Variants in ZNF704 observed in about 807,000 individuals in gnomAD.
ZNF704 encodes glucocorticoid induced gene 1.
ZNF704 carries 10 observed loss-of-function variants against 44.7 expected under a neutral mutation model. The ratio of observed to expected loss-of-function variants is 0.22; its 90% confidence interval spans 0.14 to 0.38. ZNF704 has a LOEUF of 0.38. Among genes scored for constraint, ZNF704 ranks in the 10% least tolerant of loss-of-function variants. The pLI, the probability that ZNF704 is intolerant of heterozygous loss-of-function variation, is 1.00. For missense variants in ZNF704, 390 were observed against 545.5 expected (o/e 0.71, Z 2.84); for synonymous variants, 211 against 207.6 (o/e 1.02, Z -0.14).
intron 4 of ZNF704, among the ~76,000 whole-genome samples, chr8:80,671,109 C>T (rs987451880): frequency 2.0e-5 from 3 of 152,152 alleles, no homozygotes; most frequent in Non-Finnish European, 4.4e-5. Flanking sequence ...TCCACCTCTT[C>T]AACAAGGGTC....
intron 1 of ZNF704, among the ~76,000 whole-genome samples, chr8:80,860,159 A>G (rs1198398244): frequency 6.6e-6 from 1 of 152,200 alleles, no homozygotes; most frequent in Non-Finnish European, 1.5e-5. Context: ...CTTTCAGATA[A>G]AACTGTAAAC....
intron 1 of ZNF704, among the ~76,000 whole-genome samples, chr8:80,826,239 A>G (rs1808372717): frequency 6.6e-6 from 1 of 152,156 alleles, no homozygotes; most frequent in African/African-American, 2.4e-5. Flanking sequence ...AAAATCATAA[A>G]GGAGATATCA....
At chr8:80,736,222 A>G (rs1806662903) in intron 2 of ZNF704, among the ~76,000 whole-genome samples, 1 of 152,358 alleles carries the variant, frequency 6.6e-6, no homozygotes, top group African/African-American at 2.4e-5. Context: ...ATCAAGAAAT[A>G]TAACTTTCTA....
intron 2 of ZNF704, among the ~76,000 whole-genome samples, chr8:80,721,180 T>C (rs1819160446): frequency 6.6e-6 from 1 of 152,218 alleles, no homozygotes; most frequent in African/African-American, 2.4e-5. Context: ...ATAGAGAGTA[T>C]GAACTGTAGT....
chr8:80,816,418 G>A (rs1382737994), intron 2 of ZNF704, among the ~76,000 whole-genome samples: 1 of 152,182 alleles, frequency 6.6e-6, no homozygotes, highest in African/African-American at 2.4e-5. Flanking sequence ...AATGTGGTAT[G>A]TCTATGAAAT....
chr8:80,666,011 T>C (rs549829561), intron 5 of ZNF704, among the ~76,000 whole-genome samples: 115 of 152,122 alleles, frequency 7.6e-4, no homozygotes, highest in African/African-American at 2.7e-3. Flanking sequence ...ATGTGCACAT[T>C]GTGCAGGTTA....
chr8:80,642,977 C>G, intron 8 of ZNF704, 58 bp downstream of exon 8: 1 of 1,180,398 alleles, frequency 8.5e-7, no homozygotes, highest in East Asian at 2.8e-5. Flanking sequence ...CTCTGCTGTT[C>G]TGTTTTACAG....
At chr8:80,787,454 T>C (rs1408030497) in intron 2 of ZNF704, among the ~76,000 whole-genome samples, 1 of 152,232 alleles carries the variant, frequency 6.6e-6, no homozygotes, top group African/African-American at 2.4e-5. Context: ...GCGCTTCCTA[T>C]GCTAAGCTTT....
At position 80,688,735 on chromosome 8, in the gene ZNF704, T is replaced by C. The variant is rs184894574; in HGVS notation, c.326-1277A>G. On this transcript the variant is annotated intron_variant, in intron 3 of 8. Coordinates refer to ENST00000327835, the MANE Select transcript of ZNF704 (RefSeq NM_001033723.3). ...TGAAATGTTTGCTAATGTGGAGAGA[T>C]TTCTGCCCAGTTAGAATGTCTTCTG... Among the ~76,000 whole-genome samples the C allele has an allele frequency of 3.6e-4, 55 of 152,250 alleles. 1 individual carries two copies. The highest frequency in any genetic ancestry group is 1.3e-3 in the African/African-American group (52 of 41,556).
chr8:80,649,297 G>A (rs537465262), intron 7 of ZNF704, among the ~76,000 whole-genome samples: 26 of 152,260 alleles, frequency 1.7e-4, no homozygotes, highest in African/African-American at 4.6e-4. Context: ...CAACTCACTG[G>A]GAAGTGTCAG....
rs1241291168 is a variant in ZNF704, at chr8:80,638,362, T to C, written c.*3004A>G. 1 of 152,508 alleles carries C rather than the reference T, an allele frequency of 6.6e-6. No homozygotes were observed. Among genetic ancestry groups the C allele is most frequent in the African/African-American group, 2.4e-5 (1 of 41,452 alleles). 9.4% of individuals were successfully genotyped at this position (152,508 alleles called of 1,614,324 possible). ...AGAAATATTTTGGGACCAGAATCCA[T>C]TGTTTTGCATGCCTTTTGCGTAGAT... On this transcript the variant is annotated 3_prime_UTR_variant, in exon 9 of 9. Transcript: ENST00000327835.
intron 2 of ZNF704, among the ~76,000 whole-genome samples, chr8:80,696,549 C>T (rs1818728178): frequency 6.6e-6 from 1 of 152,132 alleles, no homozygotes; most frequent in Non-Finnish European, 1.5e-5. Flanking sequence ...TCCCGAGTAG[C>T]TGGGATTACA....
chr8:80,680,995 T>C (rs984639775), intron 4 of ZNF704, among the ~76,000 whole-genome samples: 1 of 152,228 alleles, frequency 6.6e-6, no homozygotes, highest in Non-Finnish European at 1.5e-5. Flanking sequence ...TGGCTTTTTT[T>C]CCCCCTCTGC....
At chr8:80,774,793 G>A (rs894718907) in intron 2 of ZNF704, among the ~76,000 whole-genome samples, 1 of 152,178 alleles carries the variant, frequency 6.6e-6, no homozygotes, top group Non-Finnish European at 1.5e-5. Context: ...GTCTCGCTAG[G>A]ATGTTCCTGT....
chr8:80,727,434 T>G (rs1243876319), intron 2 of ZNF704, among the ~76,000 whole-genome samples: 1 of 143,748 alleles, frequency 7.0e-6, no homozygotes, highest in Non-Finnish European at 1.5e-5. Context: ...TTTGTTTTTG[T>G]TTTTTTTTTT....
At chr8:80,879,093 T>C (rs1450119767), upstream of ZNF704, among the ~76,000 whole-genome samples, 1 of 152,200 alleles carries the variant, frequency 6.6e-6, no homozygotes, top group Non-Finnish European at 1.5e-5. Flanking sequence ...TATGAATGAG[T>C]TGTGCTCCCC....
intron 2 of ZNF704, among the ~76,000 whole-genome samples, chr8:80,729,191 GAA>G (rs1806534107): frequency 6.6e-6 from 1 of 152,160 alleles, no homozygotes; most frequent in African/African-American, 2.4e-5. Flanking sequence ...AGGTAGATAA[GAA>G]AGAGCAGATG....
chr8:80,772,740 T>C (rs1000367791), intron 2 of ZNF704, among the ~76,000 whole-genome samples: 1 of 152,148 alleles, frequency 6.6e-6, no homozygotes, highest in Admixed American at 6.5e-5. Context: ...TTCTCCACTG[T>C]TTTTCTGTTT....
At position 80,630,697 on chromosome 8, in the gene ZNF704, T is replaced by C. The variant is rs975046799; in HGVS notation, c.*10669A>G. 2 of 152,176 alleles carry C rather than the reference T, an allele frequency of 1.3e-5. No homozygotes were observed. The highest frequency in any genetic ancestry group is 4.8e-5 in the African/African-American group (2 of 41,440). 9.4% of individuals were successfully genotyped at this position (152,176 alleles called of 1,614,324 possible). A position where few individuals can be genotyped will look rare whatever the true frequency, so the allele number is the denominator to read the frequency against. The stretch of plus-strand genomic sequence containing the variant: ...TCATGAACCCTTTGGGACCTAGCGA[T>C]TTTTTCTTATCCTGAGTTCTTCTTC... On this transcript the variant is annotated 3_prime_UTR_variant, in exon 9 of 9. Transcript: ENST00000327835.
Sources: gnomAD v4.1 joint callset for allele counts (sites outside exome capture counted in the v4.1 genomes callset) on GRCh38, gnomAD v4.1.1 for gene constraint, MANE v1.5 for transcripts, NCBI Gene and HGNC (gene_info 2026-07-23, HGNC 2026-07-21) for gene names.